TNS1: variants seen among roughly 807,000 people sequenced by gnomAD.
TNS1 encodes tensin 1, also known as tensin-1.
A neutral mutation model predicts 168.6 loss-of-function variants in TNS1; 62 were observed. The observed-to-expected ratio is 0.37, with a 90% CI of 0.30 to 0.45. The LOEUF is 0.45. Among genes scored for constraint, TNS1 ranks in the 20% least tolerant of loss-of-function variants. The pLI, the probability that TNS1 is intolerant of heterozygous loss-of-function variation, is 1.00. For synonymous variants in TNS1, 934 were observed against 933.2 expected (o/e 1.00, Z -0.02); for missense variants, 2,240 against 2,339.4 (o/e 0.96, Z 0.88).
At chr2:217,918,097 C>G (rs13022785) in intron 4 of TNS1, among the ~76,000 whole-genome samples, 15 of 151,972 alleles carry the variant, frequency 9.9e-5, no homozygotes, top group South Asian at 8.3e-4. Flanking sequence ...CTTGGGCCAA[C>G]GGAAGAACCT....
upstream of TNS1, among the ~76,000 whole-genome samples, chr2:218,014,083 C>T (rs1364217139): frequency 1.3e-5 from 2 of 152,240 alleles, no homozygotes; most frequent in Non-Finnish European, 2.9e-5. Context: ...AGGCACAGAG[C>T]CCCCTCTGTC....
At chr2:218,014,415 C>T (rs1574481456), upstream of TNS1, among the ~76,000 whole-genome samples, 1 of 152,182 alleles carries the variant, frequency 6.6e-6, no homozygotes, top group South Asian at 2.1e-4. Context: ...TCCCAGGCCC[C>T]TCAGCACCCA....
chr2:217,882,423 G>C lies in TNS1; in HGVS notation c.1247-12C>G. 6.3e-7 allele frequency: 1 copy of C among 1,584,326 alleles called. No individual in the cohort carries two copies. Among genetic ancestry groups the C allele is most frequent in the Non-Finnish European group, 8.6e-7 (1 of 1,169,338 alleles). On this transcript the variant is annotated splice_polypyrimidine_tract_variant and intron_variant, in intron 16 of 32. Coordinates refer to ENST00000682258, the MANE Select transcript of TNS1 (RefSeq NM_001387777.1). ...TGGAAATCGATCATCTGGAAAAAGA[G>C]AAGGAAAAATAAAAATAGGCAAAAA...
At chr2:217,918,737 G>C (rs2125849408) in intron 4 of TNS1, among the ~76,000 whole-genome samples, 1 of 152,228 alleles carries the variant, frequency 6.6e-6, no homozygotes, top group East Asian at 1.9e-4. Context: ...AGGAGAAATG[G>C]ACACTCACCC....
chr2:217,854,401 G>A (rs946205697), intron 18 of TNS1, among the ~76,000 whole-genome samples: 10 of 152,306 alleles, frequency 6.6e-5, no homozygotes, highest in African/African-American at 2.4e-4. Context: ...AATAGCGAAT[G>A]AGTTACTAAG....
intron 2 of TNS1, among the ~76,000 whole-genome samples, chr2:217,989,145 C>T (rs1215461576): frequency 2.0e-5 from 3 of 152,130 alleles, no homozygotes; most frequent in Non-Finnish European, 4.4e-5. Context: ...AACATGGAGT[C>T]AGGAGCAGAG....
intron 19 of TNS1, among the ~76,000 whole-genome samples, chr2:217,836,617 G>A (rs529430871): frequency 9.2e-5 from 14 of 152,308 alleles, no homozygotes; most frequent in Non-Finnish European, 1.8e-4. Context: ...CATCAAGCCT[G>A]TGGGGAAGAA....
chr2:217,849,600 G>C (rs1409019494), intron 18 of TNS1: 1 of 960,454 alleles, frequency 1.0e-6, no homozygotes, highest in African/African-American at 1.8e-5. Context: ...TCACCATTAT[G>C]AGTATCATTA....
At chr2:217,945,414 C>T (rs1957078734) in intron 3 of TNS1, among the ~76,000 whole-genome samples, 2 of 152,262 alleles carry the variant, frequency 1.3e-5, no homozygotes, top group South Asian at 4.2e-4. Flanking sequence ...GGCTGCCTCG[C>T]CCCCAGTCAG....
chr2:217,815,565 C>A (rs1200758877), intron 24 of TNS1, among the ~76,000 whole-genome samples: 1 of 152,198 alleles, frequency 6.6e-6, no homozygotes, highest in East Asian at 1.9e-4. Context: ...CTATCCCCTG[C>A]CCGCCATCTG....
chr2:217,880,970 T>C lies in TNS1; in HGVS notation c.1357A>G (p.Asn453Asp). Residue 453 changes from asparagine to aspartate, a missense_variant, in exon 18 of 33, where the codon AAC becomes GAC. Around this residue, in one of 2 missense-constraint regions of TNS1, gnomAD observed 2,131 missense variants for 2,171.2 expected, o/e 0.98. Coordinates refer to ENST00000682258, the MANE Select transcript of TNS1 (RefSeq NM_001387777.1). This position sits in a 1 kb window ranked among gnomAD's most constrained non-coding sequence, Gnocchi z 4.2. ...ENGPSVSVDY[N>D]TSDPLIRWDS... The stretch of plus-strand genomic sequence containing the variant: ...CAGCGGATGAGGGGGTCGGAGGTGT[T>C]ATAGTCCACAGACACGCTCGGCCCG... 2 of 1,614,008 alleles carry C rather than the reference T, an allele frequency of 1.2e-6. No individual in the cohort carries two copies. The highest frequency in any genetic ancestry group is 1.3e-5 in the African/African-American group (1 of 74,986).
chr2:217,978,654 A>AG, intron 3 of TNS1, 111 bp downstream of exon 3: 1 of 494,166 alleles, frequency 2.0e-6, no homozygotes, highest in Non-Finnish European at 3.7e-6. Context: ...AGAGAGGAGG[A>AG]GGGACGCCCC....
At position 217,817,997 on chromosome 2, in the gene TNS1, A is replaced by G. The variant is rs1270796232; in HGVS notation, c.4335T>C (p.Ser1445=). 1 of 1,598,120 alleles carries G rather than the reference A, an allele frequency of 6.3e-7. No homozygotes were observed. The highest frequency in any genetic ancestry group is 1.3e-5 in the African/African-American group (1 of 74,702). Residue 1445 remains serine, a synonymous_variant, in exon 24 of 33, where the codon AGT becomes AGC. Transcript: ENST00000682258. The part of the protein sequence containing the change: ...DRRPTLSRQS[S]ASGYQAPSTP... ...TGGAAGGAGCCTGGTAGCCAGAGGC[A>G]CTGCTCTGCCGGGACAGTGTGGGTC...
chr2:217,976,302 T>C (rs2126041078), intron 3 of TNS1, among the ~76,000 whole-genome samples: 1 of 152,262 alleles, frequency 6.6e-6, no homozygotes, highest in Admixed American at 6.5e-5. Context: ...AAGCAGGGGA[T>C]GGACAAGATG....
chr2:217,805,750 CACAT>C (rs1286584029), intron 32 of TNS1, among the ~76,000 whole-genome samples: 1 of 110,196 alleles, frequency 9.1e-6, no homozygotes, highest in Non-Finnish European at 2.0e-5. Context: ...CATACCACCA[CACAT>C]ACACACCACA....
chr2:217,892,910 C>T (rs954196626), intron 11 of TNS1, 38 bp downstream of exon 11: 29 of 1,608,164 alleles, frequency 1.8e-5, no homozygotes, highest in Admixed American at 5.0e-5. Flanking sequence ...GTCACACTGT[C>T]GATGTTCAGA....
chr2:217,898,668 T>G (rs1229684831), intron 7 of TNS1, among the ~76,000 whole-genome samples: 2 of 152,190 alleles, frequency 1.3e-5, no homozygotes, highest in African/African-American at 4.8e-5. Context: ...GCCTCCCTGA[T>G]TTCTAAGGGC....
At chr2:217,997,057 C>T (rs948489685) in intron 1 of TNS1, among the ~76,000 whole-genome samples, 1 of 152,038 alleles carries the variant, frequency 6.6e-6, no homozygotes, top group Non-Finnish European at 1.5e-5. Flanking sequence ...CCCTTCCTCC[C>T]CTCTTTGCTT....
intron 11 of TNS1, among the ~76,000 whole-genome samples, chr2:217,891,491 G>T (rs1276142560): frequency 1.3e-5 from 2 of 152,172 alleles, no homozygotes; most frequent in East Asian, 1.9e-4. Context: ...GTGCAGTAAA[G>T]GTGCAGCCTC....
Sources: gnomAD v4.1 joint callset for allele counts (sites outside exome capture counted in the v4.1 genomes callset) on GRCh38, gnomAD v4.1.1 for gene constraint, gnomAD v4.1.1 regional missense constraint, Gnocchi (gnomAD v3.1) non-coding constraint, MANE v1.5 for transcripts, NCBI Gene and HGNC (gene_info 2026-07-23, HGNC 2026-07-21) for gene names.